Variants in CRYBG3 observed in about 807,000 individuals in gnomAD.
CRYBG3 encodes the protein very large A-kinase anchor protein.
CRYBG3 carries 127 observed loss-of-function variants against 244.2 expected under a neutral mutation model. The ratio of observed to expected loss-of-function variants is 0.52; its 90% CI spans 0.45 to 0.60. CRYBG3 has a LOEUF of 0.60. CRYBG3 is among the 20% of genes least tolerant of loss of function. The probability of loss-of-function intolerance (pLI) is 0.00; values close to 1 mark genes in which losing one functional copy is unlikely to be tolerated. For missense variants in CRYBG3, 3,325 were observed against 3,442.5 expected (o/e 0.97, Z 0.85); for synonymous variants, 1,132 against 1,195.8 (o/e 0.95, Z 1.10).
chr3:97,909,198 A>T (rs1444086393), intron 15 of CRYBG3, among the ~76,000 whole-genome samples: 1 of 148,808 alleles, frequency 6.7e-6, no homozygotes, highest in East Asian at 2.0e-4. Flanking sequence ...CTTCATTTCA[A>T]CTTTGGTGAA....
intron 1 of CRYBG3, among the ~76,000 whole-genome samples, chr3:97,831,721 A>G (rs1016180606): frequency 1.3e-5 from 2 of 152,146 alleles, no homozygotes; most frequent in Non-Finnish European, 2.9e-5. Flanking sequence ...ACCGTTAACA[A>G]TAGTATACTT....
intron 2 of CRYBG3, among the ~76,000 whole-genome samples, chr3:97,849,202 T>C (rs760725780): frequency 1.1e-4 from 17 of 152,332 alleles, no homozygotes; most frequent in Non-Finnish European, 2.1e-4. Flanking sequence ...CAATGCCTGA[T>C]ACAGAGTAGG....
At chr3:97,928,936 C>A (rs2040068704) in intron 17 of CRYBG3, among the ~76,000 whole-genome samples, 1 of 151,978 alleles carries the variant, frequency 6.6e-6, no homozygotes, top group Admixed American at 6.6e-5. Flanking sequence ...TAATTCCCAG[C>A]ACATATTAAG....
At chr3:97,896,192 C>A in intron 12 of CRYBG3, 107 bp downstream of exon 12, 2 of 1,073,000 alleles carry the variant, frequency 1.9e-6, no homozygotes, top group Non-Finnish European at 2.6e-6. Flanking sequence ...TTTCTAACAC[C>A]CAAGAGTATT....
At chr3:97,904,902 T>G (rs986484675) in intron 15 of CRYBG3, among the ~76,000 whole-genome samples, 5 of 89,486 alleles carry the variant, frequency 5.6e-5, no homozygotes, top group Non-Finnish European at 1.0e-4. Context: ...CCCCACCCCA[T>G]GACAGTCCCC....
chr3:97,855,580 C>T (rs1001115325), intron 2 of CRYBG3, among the ~76,000 whole-genome samples: 2 of 152,026 alleles, frequency 1.3e-5, no homozygotes, highest in Non-Finnish European at 2.9e-5. Flanking sequence ...TGTATATGTC[C>T]AGGTATCGGG....
intron 2 of CRYBG3, among the ~76,000 whole-genome samples, chr3:97,862,537 A>G (rs1355579566): frequency 1.3e-5 from 2 of 152,164 alleles, no homozygotes; most frequent in Non-Finnish European, 2.9e-5. Flanking sequence ...GTTACAATAA[A>G]CCAAATTGTT....
intron 1 of CRYBG3, among the ~76,000 whole-genome samples, chr3:97,832,226 C>CAA (rs2038663651): frequency 7.5e-6 from 1 of 133,540 alleles, no homozygotes; most frequent in African/African-American, 3.1e-5. Context: ...TCATGTGGAA[C>CAA]CAAAAAAAAA....
rs1366699456 is a variant in CRYBG3 at position 97,876,616 on chromosome 3, G to C, written c.5422G>C (p.Val1808Leu). 8.1e-7 allele frequency: 1 copy of C among 1,234,376 alleles called. No homozygotes were observed. Among genetic ancestry groups the C allele is most frequent in the African/African-American group, 1.5e-5 (1 of 64,534 alleles). 76.5% of individuals were successfully genotyped at this position (1,234,376 alleles called of 1,614,324 possible). The change falls in exon 4 of 22, where the codon GTG becomes CTG. Residue 1808 changes from valine to leucine, a missense_variant. Physicochemically the swap from Val to Leu is conservative, Grantham distance 32. Coordinates refer to ENST00000389622, the MANE Select transcript of CRYBG3 (RefSeq NM_153605.4). ...NTEIVPCVLKVKEAHETAPAP... is the reference protein window; with the variant it reads ...NTEIVPCVLKLKEAHETAPAP... ...TGAAATAGTACCGTGTGTGTTAAAA[G>C]TGAAGGAAGCACACGAGACAGCACC... is the stretch of plus-strand genomic sequence containing the variant.
At position 97,864,202 on chromosome 3, in the gene CRYBG3, A is replaced by T; in HGVS notation, c.217-15A>T. 1 of 1,467,458 alleles carries T rather than the reference A, an allele frequency of 6.8e-7. No homozygotes were observed. Among genetic ancestry groups the T allele is most frequent in the South Asian group, 1.4e-5 (1 of 71,826 alleles). 90.9% of individuals were successfully genotyped at this position (1,467,458 alleles called of 1,614,324 possible). A position where few individuals can be genotyped will look rare whatever the true frequency, so the allele number is the denominator to read the frequency against. On this transcript the variant is annotated splice_polypyrimidine_tract_variant and intron_variant, in intron 2 of 21. Transcript: ENST00000389622. ...TAAATAATGATGCTTATGATTGTCTATTTTGTTTTCAAAGATTCGCCAAAG... is the reference window on the plus strand; with the variant it reads ...TAAATAATGATGCTTATGATTGTCTTTTTTGTTTTCAAAGATTCGCCAAAG...
intron 12 of CRYBG3, among the ~76,000 whole-genome samples, chr3:97,897,191 C>T (rs908050981): frequency 4.0e-5 from 6 of 151,868 alleles, no homozygotes; most frequent in African/African-American, 1.5e-4. Context: ...TGGTATGCAG[C>T]GGAGACCATT....
intron 1 of CRYBG3, among the ~76,000 whole-genome samples, chr3:97,831,930 G>C (rs1055146045): frequency 3.3e-5 from 5 of 151,320 alleles, no homozygotes; most frequent in Admixed American, 2.0e-4. Flanking sequence ...CGTTTCCATG[G>C]GACAGAGTTA....
chr3:97,828,409 A>G (rs1355001276), intron 1 of CRYBG3, among the ~76,000 whole-genome samples: 3 of 152,108 alleles, frequency 2.0e-5, no homozygotes, highest in African/African-American at 4.8e-5. Flanking sequence ...ATGCCATTCA[A>G]TTGTGGACTA....
intron 17 of CRYBG3, among the ~76,000 whole-genome samples, chr3:97,922,214 A>G (rs1224665558): frequency 6.6e-6 from 1 of 152,214 alleles, no homozygotes; most frequent in African/African-American, 2.4e-5. Flanking sequence ...CTTAAATGTT[A>G]GACCTAAAAC....
chr3:97,933,957 A>G, intron 18 of CRYBG3, 124 bp downstream of exon 18: 1 of 655,774 alleles, frequency 1.5e-6, no homozygotes, highest in South Asian at 2.5e-5. Flanking sequence ...AGCCCTTTGG[A>G]AGAGAAGGGC....
intron 12 of CRYBG3, among the ~76,000 whole-genome samples, chr3:97,897,934 T>A (rs2039657782): frequency 6.6e-6 from 1 of 152,124 alleles, no homozygotes; most frequent in African/African-American, 2.4e-5. Context: ...GAAATGAAAG[T>A]TTTGGGCTGG....
In CRYBG3 at chr3:97,874,151, C is replaced by T. The variant is rs909786691; in HGVS notation, c.2957C>T (p.Ala986Val). 1.3e-5 allele frequency: 20 copies of T among 1,532,040 alleles called. No individual in the cohort carries two copies. The highest frequency in any genetic ancestry group is 2.0e-5 in the Admixed American group (1 of 50,126). 94.9% of individuals were successfully genotyped at this position (1,532,040 alleles called of 1,614,324 possible). ...AAGATTTCTGGTCACTCAGAAATGG[C>T]GGAACTCAGCTTAACTAATATTTCC... ...TKKISGHSEM[A>V]ELSLTNISPK... Residue 986 changes from alanine to valine, a missense_variant, in exon 4 of 22, where the codon GCG becomes GTG. This residue lies in a region of CRYBG3 where 1,526 missense variants were observed against 1,443.2 expected (regional missense o/e 1.06). Coordinates refer to ENST00000389622, the MANE Select transcript of CRYBG3 (RefSeq NM_153605.4).
Position 97,874,513 on chromosome 3 carries a change from A to G in CRYBG3, c.3319A>G (p.Thr1107Ala). ...TSVTNLLYPT[T>A]SYLEFETSVS... is the part of the protein sequence containing the mutation. ...TGTAACTAACCTGTTGTACCCTACT[A>G]CCTCTTATTTGGAATTTGAAACGTC... The change falls in exon 4 of 22, where the codon ACC becomes GCC. Residue 1107 changes from threonine to alanine, a missense_variant. Thr to Ala is a moderately conservative substitution (Grantham distance 58). This residue lies in a region of CRYBG3 where 1,526 missense variants were observed against 1,443.2 expected (regional missense o/e 1.06). Transcript: ENST00000389622. 1.3e-6 allele frequency: 2 copies of G among 1,534,924 alleles called. No homozygotes were observed. Among genetic ancestry groups the G allele is most frequent in the Non-Finnish European group, 1.7e-6 (2 of 1,146,420 alleles).
At chr3:97,852,960 T>G (rs2039009072) in intron 2 of CRYBG3, among the ~76,000 whole-genome samples, 1 of 152,242 alleles carries the variant, frequency 6.6e-6, no homozygotes, top group African/African-American at 2.4e-5. Context: ...TTGTTGACTA[T>G]TTGTGTGTCA....
Sources: allele counts gnomAD v4.1 joint callset (sites outside exome capture counted in the v4.1 genomes callset), GRCh38; gene constraint gnomAD v4.1.1; regional missense constraint gnomAD v4.1.1; transcripts MANE v1.5; gene names NCBI Gene and HGNC (gene_info 2026-07-23, HGNC 2026-07-21).